The following PLA2G4A variants were observed in gnomAD, a reference collection of about 807,000 sequenced individuals.
PLA2G4A encodes the protein phospholipase A2 group IVA, also known as cytosolic phospholipase A2.
PLA2G4A carries 40 observed loss-of-function variants against 81.9 expected under a neutral mutation model. That is an observed-to-expected ratio of 0.49 (90% confidence interval 0.38 to 0.64). PLA2G4A has a LOEUF of 0.64. Ranked by LOEUF, PLA2G4A falls within the 30% of genes least tolerant of loss-of-function variation. The pLI is 0.00. For synonymous variants in PLA2G4A, 302 were observed against 296.9 expected, an observed-to-expected ratio of 1.02 and a Z score of -0.18; for missense variants, 715 against 905.1, an observed-to-expected ratio of 0.79 and a Z score of 2.69.
intron 3 of PLA2G4A, among the ~76,000 whole-genome samples, chr1:186,881,633 G>GT (rs1330593653): frequency 6.6e-5 from 10 of 152,128 alleles, no homozygotes; most frequent in East Asian, 5.8e-4. Context: ...TGAGGTTCAG[G>GT]TTTTTTTAAT....
chr1:186,932,704 G>A, intron 7 of PLA2G4A, 59 bp from the exon 8 acceptor site: 1 of 1,526,640 alleles, frequency 6.6e-7, no homozygotes, highest in Non-Finnish European at 9.1e-7. Flanking sequence ...TGAGACTAAA[G>A]GGAACTGTAT....
Position 186,897,291 on chromosome 1 carries a change from T to C in PLA2G4A, c.378+3080T>C, listed in dbSNP as rs538544775. Among the ~76,000 whole-genome samples, 11 of 152,252 alleles carry C rather than the reference T, an allele frequency of 7.2e-5. No homozygotes were observed. The South Asian group carries it at 1.9e-3, about 26-fold the overall frequency. ...ATTCCCAGAGCCCTGCTTTATTCAC[T>C]TGGAGTCGAAACTGGGAATTGAGAG... On this transcript the variant is annotated intron_variant, in intron 5 of 17. Transcript: ENST00000367466.
At chr1:186,890,190 C>T (rs1041879835) in intron 3 of PLA2G4A, among the ~76,000 whole-genome samples, 3 of 152,130 alleles carry the variant, frequency 2.0e-5, no homozygotes, top group Non-Finnish European at 4.4e-5. Context: ...ACGGGAAAGT[C>T]AAGTCGATAG....
At chr1:186,945,369 C>T (rs1656304070) in intron 10 of PLA2G4A, among the ~76,000 whole-genome samples, 2 of 151,980 alleles carry the variant, frequency 1.3e-5, no homozygotes, top group Admixed American at 6.6e-5. Flanking sequence ...ACTTGTCGGC[C>T]CTGTTTTTAT....
At chr1:186,882,923 C>G (rs113397018) in intron 3 of PLA2G4A, among the ~76,000 whole-genome samples, 2 of 151,260 alleles carry the variant, frequency 1.3e-5, no homozygotes, top group African/African-American at 4.9e-5. Context: ...CTAGGCCAGA[C>G]GGTTAGAAAA....
At chr1:186,949,335 GAAGAAAGAAAGAGA>G (rs1375548091) in intron 12 of PLA2G4A, among the ~76,000 whole-genome samples, 2 of 124,888 alleles carry the variant, frequency 1.6e-5, no homozygotes, top group Non-Finnish European at 1.6e-5. Context: ...AGGAAGGAAA[GAAGAAAGAAAGAGA>G]AAGAAAGAAA....
intron 17 of PLA2G4A, 30 bp downstream of exon 17, chr1:186,979,502 T>C (rs773396217): frequency 7.2e-7 from 1 of 1,384,102 alleles, no homozygotes; most frequent in African/African-American, 1.4e-5. Context: ...ATTGACTATG[T>C]CAAATGACTT....
chr1:186,945,184 A>G (rs34414453), intron 10 of PLA2G4A, among the ~76,000 whole-genome samples: 16,248 of 152,130 alleles, frequency 0.11, 982 homozygotes, highest in Middle Eastern at 0.19. Context: ...GCAGAAGGGA[A>G]TAGCAAGTGT....
intron 8 of PLA2G4A, among the ~76,000 whole-genome samples, chr1:186,938,328 G>T (rs1437173603): frequency 6.6e-6 from 1 of 152,034 alleles, no homozygotes; most frequent in African/African-American, 2.4e-5. Context: ...AAATATCAAG[G>T]CTCATGGTGA....
chr1:186,954,184 A>G (rs1232383474), intron 13 of PLA2G4A, among the ~76,000 whole-genome samples: 1 of 152,190 alleles, frequency 6.6e-6, no homozygotes, highest in Non-Finnish European at 1.5e-5. Context: ...AAGACTTGGA[A>G]CCAACCCAAA....
intron 3 of PLA2G4A, among the ~76,000 whole-genome samples, chr1:186,874,433 T>A (rs1653395190): frequency 6.6e-6 from 1 of 152,078 alleles, no homozygotes; most frequent in Non-Finnish European, 1.5e-5. Context: ...GCCTTAAAAT[T>A]CAGAACTATT....
intron 17 of PLA2G4A, among the ~76,000 whole-genome samples, chr1:186,983,256 A>G (rs1313312673): frequency 6.6e-6 from 1 of 152,206 alleles, no homozygotes; most frequent in African/African-American, 2.4e-5. Flanking sequence ...GCAACACAGC[A>G]TATGTTTACT....
chr1:186,940,346 A>G (rs1377945835), intron 10 of PLA2G4A, among the ~76,000 whole-genome samples: 1 of 152,252 alleles, frequency 6.6e-6, no homozygotes, highest in East Asian at 1.9e-4. Flanking sequence ...CAATCAATCA[A>G]TACAGTCAAT....
chr1:186,967,065 A>C (rs1054937266), intron 15 of PLA2G4A, among the ~76,000 whole-genome samples: 2 of 152,190 alleles, frequency 1.3e-5, no homozygotes, highest in Non-Finnish European at 2.9e-5. Context: ...TAAATGGAAC[A>C]GTTCATGATC....
At chr1:186,969,408 C>T (rs1657262186) in intron 15 of PLA2G4A, among the ~76,000 whole-genome samples, 1 of 151,826 alleles carries the variant, frequency 6.6e-6, no homozygotes, top group Non-Finnish European at 1.5e-5. Context: ...GTGTTAGTAA[C>T]ATTCCAATTC....
At chr1:186,956,497 T>A (rs952058108) in intron 14 of PLA2G4A, among the ~76,000 whole-genome samples, 153 bp downstream of exon 14, 1 of 151,838 alleles carries the variant, frequency 6.6e-6, no homozygotes, top group Non-Finnish European at 1.5e-5. Flanking sequence ...ATGACTAGGG[T>A]TTTTTTTTTG....
At chr1:186,883,304 T>C (rs1472456937) in intron 3 of PLA2G4A, among the ~76,000 whole-genome samples, 1 of 152,110 alleles carries the variant, frequency 6.6e-6, no homozygotes, top group Non-Finnish European at 1.5e-5. Context: ...TGTTAACATA[T>C]AATCAAGAAC....
chr1:186,869,086 CT>C (rs1029133515), intron 2 of PLA2G4A, among the ~76,000 whole-genome samples: 2 of 151,542 alleles, frequency 1.3e-5, no homozygotes, highest in East Asian at 1.9e-4. Context: ...TTAATTTGCT[CT>C]TTTTTTTCCA....
chr1:186,904,721 A>G (rs1229434114), intron 5 of PLA2G4A, among the ~76,000 whole-genome samples: 1 of 152,218 alleles, frequency 6.6e-6, no homozygotes, highest in Admixed American at 6.5e-5. Context: ...AGGATCATGA[A>G]TGTCTTAGCC....
Sources: gnomAD v4.1 joint callset for allele counts (sites outside exome capture counted in the v4.1 genomes callset) on GRCh38, gnomAD v4.1.1 for gene constraint, MANE v1.5 for transcripts, NCBI Gene and HGNC (gene_info 2026-07-23, HGNC 2026-07-21) for gene names.